The following DNAH8 variants were observed in gnomAD, a reference collection of about 807,000 sequenced individuals.
DNAH8 encodes axonemal beta dynein heavy chain 8.
A neutral mutation model predicts 562.1 loss-of-function variants in DNAH8; 382 were observed. The observed-to-expected ratio is 0.68, with a 90% CI of 0.63 to 0.74. The LOEUF is 0.74. Among genes scored for constraint, DNAH8 ranks in the 30% least tolerant of loss-of-function variants. The probability of loss-of-function intolerance (pLI) is 0.00; values close to 1 mark genes in which losing one functional copy is unlikely to be tolerated. For missense variants in DNAH8, 5,203 were observed against 5,620.4 expected, an observed-to-expected ratio of 0.93 and a Z score of 2.37; for synonymous variants, 1,881 against 1,919.4, an observed-to-expected ratio of 0.98 and a Z score of 0.52.
Position 38,920,588 on chromosome 6 carries a change from A to T in DNAH8, c.10525-781A>T, listed in dbSNP as rs61571827. Among the ~76,000 whole-genome samples the T allele has an allele frequency of 6.5e-3, 990 of 152,286 alleles. 13 individuals carry two copies. The highest frequency in any genetic ancestry group is 0.022 in the African/African-American group (933 of 41,564). ...AACAATCCTAAATGTGTACATATCC[A>T]ATAGTATTTATCACAACATTATTTG... is the stretch of plus-strand genomic sequence containing the variant. On this transcript the variant is annotated intron_variant, in intron 70 of 92. Coordinates refer to ENST00000327475, the MANE Select transcript of DNAH8 (RefSeq NM_001206927.2).
chr6:38,843,112 T>A (rs1050797801), intron 35 of DNAH8, among the ~76,000 whole-genome samples: 1 of 152,176 alleles, frequency 6.6e-6, no homozygotes, highest in Admixed American at 6.5e-5. Context: ...AATACATTAT[T>A]TGAAATACAT....
chr6:39,008,509 T>A (rs1765949970), intron 88 of DNAH8, among the ~76,000 whole-genome samples: 2 of 152,074 alleles, frequency 1.3e-5, no homozygotes, highest in Admixed American at 6.5e-5. Context: ...CATGAGGTGG[T>A]CAGGTTAGCT....
At chr6:38,908,391 A>C (rs1780637694) in intron 64 of DNAH8, among the ~76,000 whole-genome samples, 1 of 152,156 alleles carries the variant, frequency 6.6e-6, no homozygotes, top group Non-Finnish European at 1.5e-5. Flanking sequence ...GGACTTGGTG[A>C]TGTAACCTCG....
In DNAH8 at chr6:39,008,912, T is replaced by A. The variant is rs1765989057; in HGVS notation, c.13313T>A (p.Val4438Asp). 2 of 1,610,100 alleles carry A rather than the reference T, an allele frequency of 1.2e-6. No individual in the cohort carries two copies. Among genetic ancestry groups the A allele is most frequent in the Non-Finnish European group, 1.7e-6 (2 of 1,176,486 alleles). ...GGVGETREAI[V>D]YRLSEDMLSK... ...GTGGGAGAGACCCGGGAGGCTATTG[T>A]TTATAGATTATCTGAAGATATGCTG... is the stretch of plus-strand genomic sequence containing the variant. The change falls in exon 89 of 93, where the codon GTT (valine) becomes GAT (aspartate). Residue 4438 changes from valine to aspartate, a missense_variant. Transcript: ENST00000327475.
intron 80 of DNAH8, among the ~76,000 whole-genome samples, chr6:38,947,900 G>A (rs1202091576): frequency 1.3e-5 from 2 of 152,122 alleles, no homozygotes; most frequent in South Asian, 2.1e-4. Context: ...GATACACGCT[G>A]CCACGCCCAG....
At chr6:39,011,612 A>T (rs1223550723) in intron 89 of DNAH8, among the ~76,000 whole-genome samples, 3 of 152,258 alleles carry the variant, frequency 2.0e-5, no homozygotes, top group African/African-American at 7.2e-5. Flanking sequence ...TCTCTTCAAA[A>T]TAGTCAATAA....
rs775018230 is a variant in DNAH8 at position 38,971,739 on chromosome 6, T to C, written c.12525+74T>C. 7.7e-6 allele frequency: 9 copies of C among 1,161,806 alleles called. No homozygotes were observed. The South Asian group carries it at 9.9e-5, about 13-fold the overall frequency. 72.0% of individuals were successfully genotyped at this position (1,161,806 alleles called of 1,614,324 possible). A position where few individuals can be genotyped will look rare whatever the true frequency, so the allele number is the denominator to read the frequency against. ...CACAATCATGGATGTTACCACATTC[T>C]TCTCGTGATGCTCAATCCTGGTTTT... On this transcript the variant is annotated intron_variant, in intron 83 of 92. Transcript: ENST00000327475.
chr6:38,959,474 A>G (rs950455843), intron 82 of DNAH8, among the ~76,000 whole-genome samples: 3 of 152,162 alleles, frequency 2.0e-5, no homozygotes, highest in Admixed American at 2.0e-4. Flanking sequence ...ATATGCCGAC[A>G]TTGAACTATC....
At chr6:38,966,273 T>G (rs1762964992) in intron 82 of DNAH8, among the ~76,000 whole-genome samples, 1 of 152,092 alleles carries the variant, frequency 6.6e-6, no homozygotes, top group Admixed American at 6.5e-5. Context: ...TAGAAATAAC[T>G]ATTGAAACTG....
At chr6:38,956,973 C>T (rs924171568) in intron 82 of DNAH8, among the ~76,000 whole-genome samples, 2 of 152,092 alleles carry the variant, frequency 1.3e-5, no homozygotes, top group Admixed American at 6.6e-5. Context: ...TTAAAATCTA[C>T]GATTAAGAGA....
chr6:39,012,699 T>G (rs1449315340), intron 91 of DNAH8, 62 bp downstream of exon 91: 1 of 1,297,350 alleles, frequency 7.7e-7, no homozygotes, highest in African/African-American at 1.5e-5. Flanking sequence ...AGTAGCATCG[T>G]GTGATAAATA....
chr6:38,909,641 G>C lies in DNAH8; in HGVS notation c.9637G>C (p.Asp3213His), dbSNP rs959402323. Reference protein sequence around the residue: ...LIAVASYFLSDYNIVCSSEIK... With the variant: ...LIAVASYFLSHYNIVCSSEIK... ...TGCTGTGGCCTCCTACTTCCTTTCA[G>C]ACTATAATATTGTCTGCTCTAGTGA... The change falls in exon 65 of 93, where the codon GAC (aspartate) becomes CAC (histidine). Residue 3213 changes from aspartate to histidine, a missense_variant. By Grantham distance (81) the Asp-to-His change is moderately conservative. Around this residue, in one of 6 missense-constraint regions of DNAH8, gnomAD observed 977 missense variants for 1,061.8 expected, o/e 0.92. Transcript: ENST00000327475. The C allele has an allele frequency of 6.8e-6, 11 of 1,613,996 alleles. No homozygotes were observed. The highest frequency in any genetic ancestry group is 3.3e-4 in the Middle Eastern group (2 of 6,084).
chr6:38,778,336 A>T, intron 13 of DNAH8, 52 bp from the exon 14 acceptor site: 1 of 1,030,088 alleles, frequency 9.7e-7, no homozygotes, highest in Non-Finnish European at 1.5e-6. Flanking sequence ...TGTTAAACAA[A>T]ACCAATCTCT....
chr6:38,812,917 C>T (rs560188041), intron 24 of DNAH8, among the ~76,000 whole-genome samples: 3 of 152,252 alleles, frequency 2.0e-5, no homozygotes, highest in Non-Finnish European at 4.4e-5. Context: ...GAATAATAAT[C>T]GTAGGGTCTG....
chr6:38,849,459 C>T (rs1229047534), intron 37 of DNAH8, among the ~76,000 whole-genome samples: 1 of 151,826 alleles, frequency 6.6e-6, no homozygotes, highest in South Asian at 2.1e-4. Context: ...TAGGTTTAGT[C>T]GATGAAGGTA....
In DNAH8 at chr6:39,030,222, T is replaced by C. The variant is rs149938578; in HGVS notation, c.13954T>C (p.Phe4652Leu). The change falls in exon 93 of 93, where the codon TTT becomes CTT. Residue 4652 changes from phenylalanine (F) to leucine (L), a missense_variant. By Grantham distance (22) the Phe-to-Leu change is conservative (BLOSUM62 0). Around this residue, in one of 6 missense-constraint regions of DNAH8, gnomAD observed 1,399 missense variants for 1,518.4 expected, o/e 0.92. Transcript: ENST00000327475. ...LFTQLPVLHI[F>L]AINSTAPKDP... ...CACGCAGTTACCCGTGCTCCACATC[T>C]TTGCCATTAACTCCACGGCACCCAA... 3.6e-5 allele frequency: 58 copies of C among 1,614,004 alleles called. No individual in the cohort carries two copies. In the African/African-American group the frequency reaches 6.5e-4, roughly 18 times the overall value.
intron 22 of DNAH8, among the ~76,000 whole-genome samples, chr6:38,804,100 A>G (rs1182076821): frequency 6.6e-6 from 1 of 152,250 alleles, no homozygotes; most frequent in African/African-American, 2.4e-5. Context: ...AGTGGATGAA[A>G]TAATTTTTAC....
At chr6:38,766,809 C>A (rs1215873347) in intron 11 of DNAH8, among the ~76,000 whole-genome samples, 1 of 151,614 alleles carries the variant, frequency 6.6e-6, no homozygotes, top group African/African-American at 2.4e-5. Context: ...ATGTTGTATA[C>A]CTTAAATATA....
At chr6:38,715,960 A>ATATATATTTTTTTTTTTTT (rs1372342002) in intron 1 of DNAH8, among the ~76,000 whole-genome samples, 1 of 23,628 alleles carries the variant, frequency 4.2e-5, no homozygotes, top group Non-Finnish European at 6.2e-5. Flanking sequence ...ATATATATAT[A>ATATATATTTTTTTTTTTTT]TTTTTTTTTT....
Sources: gnomAD v4.1 joint callset for allele counts (sites outside exome capture counted in the v4.1 genomes callset) on GRCh38, gnomAD v4.1.1 for gene constraint, gnomAD v4.1.1 regional missense constraint, MANE v1.5 for transcripts, NCBI Gene and HGNC (gene_info 2026-07-23, HGNC 2026-07-21) for gene names.